GEMIN8: variants seen among roughly 807,000 people sequenced by gnomAD.
The protein encoded by GEMIN8 is gem-associated protein 8.
For synonymous variants in GEMIN8, 80 were observed against 78.5 expected, an observed-to-expected ratio of 1.02 and a Z score of -0.10; for missense variants, 185 against 205.9, an observed-to-expected ratio of 0.90 and a Z score of 0.62.
At chrX:13,996,954 T>TC in the GEMIN8 span, among the ~76,000 whole-genome samples, 1 of 102,321 alleles carries the variant, frequency 9.8e-6, no homozygotes, top group Non-Finnish European at 2.0e-5. Context: ...TTTTTTTTTT[T>TC]TGAGACAGAG....
At position 14,020,249 on chromosome X, in the gene GEMIN8, G is replaced by A. The variant is rs151153824; in HGVS notation, c.301C>T (p.Arg101Cys). The A allele has an allele frequency of 1.7e-5, 20 of 1,211,146 alleles. No homozygotes were observed. In the Admixed American group the frequency reaches 2.2e-4, roughly 13 times the overall value. Residue 101 changes from arginine to cysteine, a missense_variant, in exon 4 of 5, where the codon CGT becomes TGT. Arg to Cys is a radical substitution (Grantham distance 180). Coordinates refer to ENST00000680255, the MANE Select transcript of GEMIN8 (RefSeq NM_001042479.2). ...GATGCCTGGATCCTACTGCTGTAACGTGGATGCTGCCCAGATCTTCTGAAA... is the reference window on the plus strand; with the variant it reads ...GATGCCTGGATCCTACTGCTGTAACATGGATGCTGCCCAGATCTTCTGAAA... ...SHFRRSGQHP[R>C]YSSRIQASTK...
At chrX:14,028,679 T>C (rs1036574141) in intron 1 of GEMIN8, among the ~76,000 whole-genome samples, 6 of 111,832 alleles carry the variant, frequency 5.4e-5, no homozygotes, top group Non-Finnish European at 1.1e-4. Context: ...TGAACATTTC[T>C]CTCTGGAACT....
chrX:14,009,198 A>T, intron 4 of GEMIN8, 29 bp from the exon 5 acceptor site: 1 of 1,200,278 alleles, frequency 8.3e-7, no homozygotes, highest in Non-Finnish European at 1.1e-6. Flanking sequence ...GTGAACATGA[A>T]CATAAACACA....
At chrX:14,021,618 GGACCAT>G in intron 2 of GEMIN8, 107 bp from the exon 3 acceptor site, 1 of 521,844 alleles carries the variant, frequency 1.9e-6, no homozygotes, top group Non-Finnish European at 3.2e-6. Context: ...CCTCTTCCCA[GGACCAT>G]GCCTGATTTC....
At chrX:13,989,851 C>T in the GEMIN8 span, among the ~76,000 whole-genome samples, 53 of 112,865 alleles carry the variant, frequency 4.7e-4, no homozygotes, top group African/African-American at 1.5e-3. Context: ...ATAGATCCCA[C>T]ACACAGATTT....
chrX:14,015,528 C>T (rs545270272), intron 4 of GEMIN8, among the ~76,000 whole-genome samples: 1 of 111,942 alleles, frequency 8.9e-6, no homozygotes, highest in South Asian at 3.7e-4. Context: ...AAAGTAGAGA[C>T]TATCTGGAAT....
chrX:14,014,063 A>G (rs1260314511), intron 4 of GEMIN8: 1 of 748,248 alleles, frequency 1.3e-6, no homozygotes, highest in Non-Finnish European at 1.6e-6. Flanking sequence ...ACTTCAGAGA[A>G]TCTTATATAG....
chrX:14,000,522 G>A, the GEMIN8 span, among the ~76,000 whole-genome samples: 1 of 108,367 alleles, frequency 9.2e-6, no homozygotes, highest in Non-Finnish European at 1.9e-5. Flanking sequence ...GCGTGAACCC[G>A]GGAGGCGGAC....
At chrX:13,995,863 A>C in the GEMIN8 span, among the ~76,000 whole-genome samples, 4 of 111,573 alleles carry the variant, frequency 3.6e-5, no homozygotes, top group Non-Finnish European at 7.5e-5. Flanking sequence ...ATGCAAAGGA[A>C]TGTATTCACA....
At chrX:14,002,396 C>T (rs111641965), downstream of GEMIN8, among the ~76,000 whole-genome samples, 412 of 111,424 alleles carry the variant, frequency 3.7e-3, no homozygotes, top group Non-Finnish European at 6.8e-3. Context: ...CAGGGCCCCA[C>T]TGTCACAGGT....
chrX:14,013,840 C>G (rs1422467119), intron 4 of GEMIN8: 1 of 258,111 alleles, frequency 3.9e-6, no homozygotes, highest in Non-Finnish European at 5.3e-6. Context: ...TACAGCAGCC[C>G]TGGGAGGCTA....
At chrX:14,002,300 G>C (rs1481033197), downstream of GEMIN8, among the ~76,000 whole-genome samples, 4 of 102,097 alleles carry the variant, frequency 3.9e-5, no homozygotes, top group African/African-American at 1.5e-4. Context: ...TAGATATACA[G>C]ATAAGATGGG....
chrX:14,005,648 T>G (rs1923123116), downstream of GEMIN8, among the ~76,000 whole-genome samples: 1 of 112,120 alleles, frequency 8.9e-6, no homozygotes, highest in Non-Finnish European at 1.9e-5. Context: ...CCCTAATTGA[T>G]AGCTGTTCAG....
the GEMIN8 span, among the ~76,000 whole-genome samples, chrX:13,987,817 G>T: frequency 1.8e-5 from 2 of 111,800 alleles, no homozygotes; most frequent in Admixed American, 9.5e-5. Flanking sequence ...TAGCAAGAAG[G>T]TTGGAAGTAG....
chrX:14,011,645 T>C (rs1306796599), intron 4 of GEMIN8, among the ~76,000 whole-genome samples: 1 of 106,614 alleles, frequency 9.4e-6, no homozygotes, highest in Non-Finnish European at 1.9e-5. Flanking sequence ...CAGACCACTG[T>C]CACATTACTC....
intron 4 of GEMIN8, among the ~76,000 whole-genome samples, chrX:14,017,112 T>A (rs760319353): frequency 3.7e-5 from 4 of 109,247 alleles, no homozygotes; most frequent in South Asian, 7.9e-4. Flanking sequence ...TCATAATTAC[T>A]ACCCACTAAT....
intron 1 of GEMIN8, among the ~76,000 whole-genome samples, chrX:14,028,593 C>T (rs1924815146): frequency 9.4e-6 from 1 of 106,902 alleles, no homozygotes; most frequent in Non-Finnish European, 1.9e-5. Flanking sequence ...AACTTTCCCC[C>T]GTCATTCTCA....
chrX:14,008,519 A>C lies in GEMIN8; in HGVS notation c.*394T>G. On this transcript the variant is annotated 3_prime_UTR_variant, in exon 5 of 5. Coordinates refer to ENST00000680255, the MANE Select transcript of GEMIN8 (RefSeq NM_001042479.2). ...ATTTTTAGTGGGGGCTAATGGAGCT[A>C]GAGTCAGAGAGGATATCTGGTTTTT... The C allele has an allele frequency of 6.9e-6, 1 of 145,037 alleles. No individual in the cohort carries two copies. The highest frequency in any genetic ancestry group is 1.3e-5 in the Non-Finnish European group (1 of 74,876). The allele number at this position is 145,037 out of a possible 1,213,427, so 12.0% of individuals were successfully genotyped here. A position where few individuals can be genotyped will look rare whatever the true frequency, so the allele number is the denominator to read the frequency against.
At chrX:13,998,386 G>T in the GEMIN8 span, among the ~76,000 whole-genome samples, 41,036 of 108,796 alleles carry the variant, frequency 0.38, 6,278 homozygotes, top group African/African-American at 0.57. Flanking sequence ...CTCCTTGCTG[G>T]TCTTGTGATA....
Sources: gnomAD v4.1 joint callset for allele counts (sites outside exome capture counted in the v4.1 genomes callset) on GRCh38, gnomAD v4.1.1 for gene constraint, MANE v1.5 for transcripts, NCBI Gene and HGNC (gene_info 2026-07-23, HGNC 2026-07-21) for gene names.